PCCA: variants seen among roughly 807,000 people sequenced by gnomAD.
The protein encoded by PCCA is propionyl-CoA carboxylase alpha chain, mitochondrial.
In PCCA, 74 loss-of-function variants were observed where a neutral mutation model predicts 101.3. The observed-to-expected ratio is 0.73, with a 90% CI of 0.61 to 0.89. PCCA has a LOEUF of 0.89. PCCA is among the 40% of genes least tolerant of loss of function. The pLI is 0.00. For missense variants in PCCA, 891 were observed against 907.0 expected (o/e 0.98, Z 0.23); for synonymous variants, 294 against 313.6 (o/e 0.94, Z 0.66).
intron 17 of PCCA, among the ~76,000 whole-genome samples, chr13:100,332,439 A>G (rs9557417): frequency 0.43 from 65,262 of 152,020 alleles, 15,901 homozygotes; most frequent in South Asian, 0.66. Flanking sequence ...CAGTGGGCAG[A>G]AGGAGAAAAC....
At chr13:100,335,342 G>T (rs1595413550) in intron 17 of PCCA, among the ~76,000 whole-genome samples, 1 of 152,146 alleles carries the variant, frequency 6.6e-6, no homozygotes, top group Non-Finnish European at 1.5e-5. Context: ...CCACTAGGAA[G>T]AAGAAAGGAA....
chr13:100,504,934 C>CA (rs111257615), intron 21 of PCCA, among the ~76,000 whole-genome samples: 35,061 of 148,040 alleles, frequency 0.24, 4,137 homozygotes, highest in East Asian at 0.28. Flanking sequence ...GACTCTGTCT[C>CA]AAAAAAAAAA....
chr13:100,515,689 A>C, intron 22 of PCCA, 122 bp downstream of exon 22: 2 of 1,143,976 alleles, frequency 1.7e-6, no homozygotes, highest in Non-Finnish European at 2.6e-6. Context: ...ACGCCCCCTA[A>C]ACAGCAAAAT....
At chr13:100,132,478 G>A (rs145510082) in intron 4 of PCCA, among the ~76,000 whole-genome samples, 28 of 152,322 alleles carry the variant, frequency 1.8e-4, no homozygotes, top group African/African-American at 6.7e-4. Flanking sequence ...AAACTGTTGT[G>A]TGTATCAATA....
At chr13:100,364,797 A>G (rs563835581) in intron 18 of PCCA, among the ~76,000 whole-genome samples, 18 of 152,174 alleles carry the variant, frequency 1.2e-4, no homozygotes, top group Non-Finnish European at 2.6e-4. Context: ...CACACCTGTA[A>G]TCCCATACTT....
At chr13:100,226,089 C>T (rs2060132494) in intron 7 of PCCA, among the ~76,000 whole-genome samples, 1 of 152,114 alleles carries the variant, frequency 6.6e-6, no homozygotes, top group African/African-American at 2.4e-5. Flanking sequence ...CTGTGCCCGG[C>T]CGAAAGATTT....
At chr13:100,354,602 T>A (rs2073763645) in intron 18 of PCCA, among the ~76,000 whole-genome samples, 1 of 152,018 alleles carries the variant, frequency 6.6e-6, no homozygotes, top group African/African-American at 2.4e-5. Flanking sequence ...ATGACAAACC[T>A]GTAGATAGGC....
intron 19 of PCCA, among the ~76,000 whole-genome samples, chr13:100,420,211 C>T (rs1028513614): frequency 6.6e-6 from 1 of 152,174 alleles, no homozygotes; most frequent in Non-Finnish European, 1.5e-5. Context: ...TCAAAAAGTT[C>T]TAACCTCAAA....
intron 6 of PCCA, among the ~76,000 whole-genome samples, chr13:100,163,088 A>G (rs775902885): frequency 1.4e-4 from 21 of 152,170 alleles, no homozygotes; most frequent in Non-Finnish European, 7.3e-5. Flanking sequence ...GAAAAAGGAA[A>G]ACTCTCCCTT....
chr13:100,128,740 C>A (rs2050204414), intron 4 of PCCA, among the ~76,000 whole-genome samples: 1 of 152,078 alleles, frequency 6.6e-6, no homozygotes, highest in Non-Finnish European at 1.5e-5. Context: ...GTTTGACTTC[C>A]CAGAATCTTT....
rs398123297 is a variant in PCCA at position 100,273,303 on chromosome 13, C to CT, written c.1023dup (p.Lys342Ter). The CT allele has an allele frequency of 6.2e-7, 1 of 1,612,902 alleles. No individual in the cohort carries two copies. The highest frequency in any genetic ancestry group is 8.5e-7 in the Non-Finnish European group (1 of 1,178,986). ...GGGACCGTGGAGTTCCTTGTGGACT[C>CT]TAAGAAGAATTTTTATTTCTTGGAA... On this transcript the variant is annotated frameshift_variant, in exon 12 of 24. Transcript: ENST00000376285. LOFTEE classifies it high-confidence loss of function.
At chr13:100,137,524 A>T (rs9557392) in intron 4 of PCCA, among the ~76,000 whole-genome samples, 35 of 152,088 alleles carry the variant, frequency 2.3e-4, no homozygotes, top group Non-Finnish European at 2.8e-4. Context: ...GTTGTTAGGA[A>T]CATACACATT....
intron 4 of PCCA, among the ~76,000 whole-genome samples, chr13:100,132,317 T>TTGTGAGTCATTACCCCTCAGACTCCCC (rs2050622226): frequency 6.6e-6 from 1 of 152,204 alleles, no homozygotes; most frequent in Non-Finnish European, 1.5e-5. Context: ...TCAGACTCCC[T>TTGTGAGTCATTACCCCTCAGACTCCCC]TGTGTATCCC....
At chr13:100,527,628 G>A (rs1293320319) in intron 22 of PCCA, 47 bp from the exon 23 acceptor site, 1 of 1,345,480 alleles carries the variant, frequency 7.4e-7, no homozygotes, top group Non-Finnish European at 1.1e-6. Flanking sequence ...AAGTGTTAAT[G>A]CAAAATTAGA....
At chr13:100,203,872 A>G (rs1276115076) in intron 6 of PCCA, among the ~76,000 whole-genome samples, 1 of 152,200 alleles carries the variant, frequency 6.6e-6, no homozygotes, top group Admixed American at 6.5e-5. Context: ...GGTCTTGAAA[A>G]GAATGAATTA....
intron 17 of PCCA, 54 bp downstream of exon 17, chr13:100,330,725 A>G: frequency 1.0e-6 from 1 of 1,004,350 alleles, no homozygotes. Context: ...TTTATACTTT[A>G]TTGTAATACA....
intron 8 of PCCA, 63 bp from the exon 9 acceptor site, chr13:100,257,532 G>T (rs1391821975): frequency 3.6e-6 from 4 of 1,107,520 alleles, no homozygotes; most frequent in Non-Finnish European, 5.5e-6. Flanking sequence ...GTGGTCAATT[G>T]TCATGTTCAT....
chr13:100,244,568 T>G (rs2061330962), intron 8 of PCCA, among the ~76,000 whole-genome samples: 1 of 152,174 alleles, frequency 6.6e-6, no homozygotes, highest in African/African-American at 2.4e-5. Context: ...GTGCATAACA[T>G]TCAGGCAGGA....
chr13:100,316,774 G>A (rs937132567), intron 16 of PCCA, among the ~76,000 whole-genome samples: 1 of 148,620 alleles, frequency 6.7e-6, no homozygotes, highest in African/African-American at 2.6e-5. Context: ...TATGTTAATA[G>A]TATTCTTTTT....
Sources: allele counts gnomAD v4.1 joint callset (sites outside exome capture counted in the v4.1 genomes callset), GRCh38; gene constraint gnomAD v4.1.1; transcripts MANE v1.5; gene names NCBI Gene and HGNC (gene_info 2026-07-23, HGNC 2026-07-21).